The following CEBPZ variants were observed in gnomAD, a reference collection of about 807,000 sequenced individuals.
The protein encoded by CEBPZ is CCAAT/enhancer-binding protein zeta.
A neutral mutation model predicts 104.5 loss-of-function variants in CEBPZ; 78 were observed. The observed-to-expected ratio is 0.75, with a 90% CI of 0.62 to 0.90. CEBPZ has a LOEUF of 0.90. Among genes scored for constraint, CEBPZ ranks in the 40% least tolerant of loss-of-function variants. The pLI is 0.00. For missense variants in CEBPZ, 1,439 were observed against 1,233.5 expected (o/e 1.17, Z -2.50); for synonymous variants, 470 against 427.0 (o/e 1.10, Z -1.24).
At chr2:37,210,943 A>T in intron 13 of CEBPZ, 56 bp downstream of exon 13, 2 of 1,277,688 alleles carry the variant, frequency 1.6e-6, no homozygotes, top group African/African-American at 1.5e-5. Context: ...CCAAAATGAT[A>T]ATGACACCTT....
intron 13 of CEBPZ, among the ~76,000 whole-genome samples, chr2:37,207,196 A>G (rs957764381): frequency 1.3e-5 from 2 of 152,200 alleles, no homozygotes; most frequent in African/African-American, 4.8e-5. Context: ...TGGCAACACA[A>G]TAATAGTGGG....
intron 13 of CEBPZ, chr2:37,209,850 T>G (rs993306739): frequency 2.7e-5 from 4 of 150,380 alleles, no homozygotes; most frequent in African/African-American, 9.7e-5. Flanking sequence ...AGACAACCCA[T>G]AGAGTGGGAG....
Position 37,231,547 on chromosome 2 carries a change from A to G in CEBPZ, c.21T>C (p.Pro7=), listed in dbSNP as rs201743737. The change falls in exon 1 of 16, where the codon CCT becomes CCC. Residue 7 remains proline (P), a synonymous_variant. Transcript: ENST00000234170. MAAVKE[P]LEFHAKRPWR... is the part of the protein sequence containing the mutation. Reference sequence around the variant, plus strand: ...AAGGCCGCTTGGCATGGAACTCCAAAGGCTCCTTGACTGCGGCCATGGCGG... The same window carrying G: ...AAGGCCGCTTGGCATGGAACTCCAAGGGCTCCTTGACTGCGGCCATGGCGG... 2.1e-4 allele frequency: 345 copies of G among 1,614,176 alleles called. 1 individual carries two copies. The highest frequency in any genetic ancestry group is 2.0e-4 in the Admixed American group (12 of 60,028).
At chr2:37,227,446 T>C (rs1034993829) in intron 2 of CEBPZ, 98 bp downstream of exon 2, 2 of 1,348,920 alleles carry the variant, frequency 1.5e-6, no homozygotes, top group Non-Finnish European at 2.0e-6. Flanking sequence ...TAAAACCAAA[T>C]TTTCTAACTC....
chr2:37,227,513 C>CA (rs1159634077), intron 2 of CEBPZ, 31 bp downstream of exon 2: 1 of 1,550,492 alleles, frequency 6.4e-7, no homozygotes, highest in African/African-American at 1.4e-5. Flanking sequence ...GTTATTATTT[C>CA]ATGTCTCATA....
At chr2:37,201,934 T>C (rs1677264891) in intron 15 of CEBPZ, 31 bp from the exon 16 acceptor site, 2 of 1,599,042 alleles carry the variant, frequency 1.3e-6, no homozygotes, top group South Asian at 1.1e-5. Flanking sequence ...ATGAGTGTAC[T>C]ACCACACTGT....
chr2:37,210,648 G>C (rs1257911572), intron 13 of CEBPZ: 1 of 172,404 alleles, frequency 5.8e-6, no homozygotes, highest in Non-Finnish European at 1.2e-5. Flanking sequence ...TGGGGGATAA[G>C]AGTACACATT....
In CEBPZ at chr2:37,227,957, T is replaced by G; in HGVS notation, c.1236A>C (p.Lys412Asn). The G allele has an allele frequency of 6.2e-7, 1 of 1,614,198 alleles. No individual in the cohort carries two copies. Among genetic ancestry groups the G allele is most frequent in the Non-Finnish European group, 8.5e-7 (1 of 1,180,030 alleles). ...ASHLLETLLC[K>N]HPNMKGVVSG... is the part of the protein sequence containing the mutation. ...ACACAACTCCTTTCATATTGGGATG[T>G]TTACAAAGTAATGTCTCTAACAGAT... is the stretch of plus-strand genomic sequence containing the variant. The change falls in exon 2 of 16, where the codon AAA becomes AAC. Residue 412 changes from lysine (K) to asparagine (N), a missense_variant. Coordinates refer to ENST00000234170, the MANE Select transcript of CEBPZ (RefSeq NM_005760.3).
In CEBPZ at chr2:37,201,727, G is replaced by T; in HGVS notation, c.*37C>A. 1.7e-6 allele frequency: 2 copies of T among 1,194,968 alleles called. No individual in the cohort carries two copies. Among genetic ancestry groups the T allele is most frequent in the Non-Finnish European group, 1.2e-6 (1 of 819,190 alleles). The allele number at this position is 1,194,968 out of a possible 1,614,324, so 74.0% of individuals were successfully genotyped here. A position where few individuals can be genotyped will look rare whatever the true frequency, so the allele number is the denominator to read the frequency against. The stretch of plus-strand genomic sequence containing the variant: ...CATGGTTGAACAGCAAAAATTAGAT[G>T]TAAGTAGAATTTTAATCTATAATTT... On this transcript the variant is annotated 3_prime_UTR_variant, in exon 16 of 16. Coordinates refer to ENST00000234170, the MANE Select transcript of CEBPZ (RefSeq NM_005760.3).
At chr2:37,226,049 C>G (rs1256437810) in intron 2 of CEBPZ, among the ~76,000 whole-genome samples, 2 of 150,518 alleles carry the variant, frequency 1.3e-5, no homozygotes, top group Non-Finnish European at 3.0e-5. Context: ...CTGACCCTCT[C>G]CCCACAATTG....
intron 5 of CEBPZ, among the ~76,000 whole-genome samples, chr2:37,219,649 G>C (rs1664717993): frequency 6.6e-6 from 1 of 152,124 alleles, no homozygotes; most frequent in Non-Finnish European, 1.5e-5. Context: ...CGCACTTTGA[G>C]AATAGCTGCA....
chr2:37,222,616 A>G (rs978357342), intron 3 of CEBPZ, 53 bp from the exon 4 acceptor site: 2 of 1,335,244 alleles, frequency 1.5e-6, no homozygotes, highest in Middle Eastern at 2.3e-4. Flanking sequence ...AAGTTGCAAT[A>G]AAGTCTGTGC....
rs763245583 is a variant in CEBPZ, at chr2:37,222,417, TG to T, written c.2027del (p.Pro676GlnfsTer12). 12 of 1,598,774 alleles carry T rather than the reference TG, an allele frequency of 7.5e-6. No homozygotes were observed. Among genetic ancestry groups the T allele is most frequent in the Non-Finnish European group, 1.0e-5 (12 of 1,175,476 alleles). Reference sequence around the variant, plus strand: ...CAAAGTGCACCCAGGAAGCAACCTCTGGTTTTTTGGTTTCTACATCAGTTTC... The same window carrying T: ...CAAAGTGCACCCAGGAAGCAACCTCTGTTTTTTGGTTTCTACATCAGTTTC... ...VPETDVETKK[P>X]EVASWVHFDN... On this transcript the variant is annotated frameshift_variant, in exon 4 of 16. Coordinates refer to ENST00000234170, the MANE Select transcript of CEBPZ (RefSeq NM_005760.3). LOFTEE classifies it high-confidence loss of function.
intron 6 of CEBPZ, among the ~76,000 whole-genome samples, 194 bp downstream of exon 6, chr2:37,216,790 T>A (rs1677879119): frequency 6.6e-6 from 1 of 152,224 alleles, no homozygotes; most frequent in South Asian, 2.1e-4. Flanking sequence ...TTTCAATGTC[T>A]TATTGCTTCC....
chr2:37,219,832 T>C (rs1407070377), intron 5 of CEBPZ, among the ~76,000 whole-genome samples: 1 of 152,150 alleles, frequency 6.6e-6, no homozygotes, highest in East Asian at 1.9e-4. Flanking sequence ...CTATATGCAA[T>C]AATCTACCTA....
intron 15 of CEBPZ, 79 bp downstream of exon 15, chr2:37,202,705 T>TTA: frequency 5.2e-6 from 1 of 191,774 alleles, no homozygotes; most frequent in Non-Finnish European, 9.9e-6. Flanking sequence ...ATAAATAAAA[T>TTA]AACGAAAATT....
chr2:37,203,049 T>C, intron 13 of CEBPZ, 41 bp from the exon 14 acceptor site: 1 of 1,323,636 alleles, frequency 7.6e-7, no homozygotes, highest in East Asian at 2.5e-5. Context: ...ATTATAAATC[T>C]AATGATTTTA....
intron 8 of CEBPZ, 94 bp from the exon 9 acceptor site, chr2:37,215,046 C>G: frequency 1.3e-6 from 1 of 796,192 alleles, no homozygotes. Context: ...ATCTGTAATT[C>G]TAAAAATCTC....
At chr2:37,207,944 C>T (rs1450775704) in intron 13 of CEBPZ, among the ~76,000 whole-genome samples, 1 of 151,906 alleles carries the variant, frequency 6.6e-6, no homozygotes, top group Non-Finnish European at 1.5e-5. Flanking sequence ...TGAATAAGCT[C>T]AATTAGAGAC....
Sources: gnomAD v4.1 joint callset for allele counts (sites outside exome capture counted in the v4.1 genomes callset) on GRCh38, gnomAD v4.1.1 for gene constraint, MANE v1.5 for transcripts, NCBI Gene and HGNC (gene_info 2026-07-23, HGNC 2026-07-21) for gene names.